Variants in ZNF804A observed in about 807,000 individuals in gnomAD.
ZNF804A encodes the protein zinc finger protein 804A.
A neutral mutation model predicts 16.5 loss-of-function variants in ZNF804A; 2 were observed. That is an observed-to-expected ratio of 0.12 (90% CI 0.05 to 0.38). ZNF804A has a LOEUF of 0.38. Among genes scored for constraint, ZNF804A ranks in the 10% least tolerant of loss-of-function variants. The pLI, the probability that ZNF804A is intolerant of heterozygous loss-of-function variation, is 0.99. For missense variants in ZNF804A, 1,473 were observed against 1,390.7 expected, an observed-to-expected ratio of 1.06 and a Z score of -0.94; for synonymous variants, 534 against 489.6, an observed-to-expected ratio of 1.09 and a Z score of -1.20.
intron 1 of ZNF804A, among the ~76,000 whole-genome samples, chr2:184,681,203 C>T (rs1692533124): frequency 6.6e-6 from 1 of 152,166 alleles, no homozygotes; most frequent in African/African-American, 2.4e-5. Context: ...GCAAAGTCAC[C>T]ACTGGCCACA....
At chr2:184,768,288 G>T (rs1009748877) in intron 1 of ZNF804A, among the ~76,000 whole-genome samples, 1 of 151,950 alleles carries the variant, frequency 6.6e-6, no homozygotes, top group South Asian at 2.1e-4. Flanking sequence ...TAGCATCCTT[G>T]AATTTTGGTA....
intron 1 of ZNF804A, among the ~76,000 whole-genome samples, chr2:184,739,034 A>G (rs1048264437): frequency 6.6e-6 from 1 of 152,234 alleles, no homozygotes; most frequent in African/African-American, 2.4e-5. Context: ...ATTTGATTGT[A>G]GGATAAACAA....
chr2:184,912,329 T>C (rs939182733), intron 2 of ZNF804A, among the ~76,000 whole-genome samples: 1 of 152,078 alleles, frequency 6.6e-6, no homozygotes, highest in African/African-American at 2.4e-5. Flanking sequence ...CTTGGATATA[T>C]CACAGTTTTG....
intron 1 of ZNF804A, among the ~76,000 whole-genome samples, chr2:184,753,727 T>C (rs898915767): frequency 1.3e-5 from 2 of 151,834 alleles, no homozygotes; most frequent in African/African-American, 2.4e-5. Flanking sequence ...CAACCTTGTG[T>C]TGACAGACAC....
chr2:184,693,930 T>A (rs945879354), intron 1 of ZNF804A, among the ~76,000 whole-genome samples: 5 of 97,226 alleles, frequency 5.1e-5, no homozygotes, highest in Non-Finnish European at 1.1e-4. Flanking sequence ...TAACTTAGTC[T>A]TTTTTTTTTT....
At chr2:184,898,149 A>G (rs1317496597) in intron 2 of ZNF804A, among the ~76,000 whole-genome samples, 4 of 152,138 alleles carry the variant, frequency 2.6e-5, no homozygotes, top group Admixed American at 6.6e-5. Context: ...TTGAAAAGAC[A>G]CTATACTTAA....
At position 184,758,273 on chromosome 2, in the gene ZNF804A, T is replaced by C. The variant is rs574347243; in HGVS notation, c.112-108096T>C. 2.0e-5 allele frequency among the ~76,000 whole-genome samples: 3 copies of C among 152,030 alleles called. No homozygotes were observed. In the East Asian group the frequency reaches 5.8e-4, roughly 29 times the overall value. On this transcript the variant is annotated intron_variant, in intron 1 of 3. Coordinates refer to ENST00000302277, the MANE Select transcript of ZNF804A (RefSeq NM_194250.2). The stretch of plus-strand genomic sequence containing the variant: ...ATATCATTCAAGATAGCGAATTAGG[T>C]AATATAAAAATGTTCTGATGATACA...
At chr2:184,748,184 A>G (rs1045182209) in intron 1 of ZNF804A, among the ~76,000 whole-genome samples, 3 of 151,220 alleles carry the variant, frequency 2.0e-5, no homozygotes, top group Admixed American at 1.3e-4. Flanking sequence ...GTTTTAGGGT[A>G]TGTGAGATAT....
chr2:184,823,688 C>T (rs1574229009), intron 1 of ZNF804A, among the ~76,000 whole-genome samples: 2 of 152,086 alleles, frequency 1.3e-5, no homozygotes, highest in East Asian at 3.9e-4. Flanking sequence ...TGTTTTCCTT[C>T]AGATACATGA....
chr2:184,663,760 C>T (rs1692216208), intron 1 of ZNF804A, among the ~76,000 whole-genome samples: 1 of 152,190 alleles, frequency 6.6e-6, no homozygotes, highest in Admixed American at 6.5e-5. Flanking sequence ...ACTCAGGACT[C>T]AGCCAGACTC....
intron 2 of ZNF804A, among the ~76,000 whole-genome samples, chr2:184,907,793 TA>T (rs1345588292): frequency 1.3e-5 from 2 of 152,180 alleles, no homozygotes; most frequent in Admixed American, 1.3e-4. Flanking sequence ...TTATGCCATA[TA>T]ATTGCACATT....
intron 1 of ZNF804A, among the ~76,000 whole-genome samples, chr2:184,612,840 G>A (rs182207563): frequency 1.5e-4 from 23 of 152,276 alleles, no homozygotes; most frequent in Admixed American, 3.9e-4. Context: ...CTGTCCTGAA[G>A]AGCCACATTG....
chr2:184,604,146 C>CTTTTTTTTT lies in ZNF804A; in HGVS notation c.111+5109_111+5117dup, dbSNP rs759053144. ...TTCAGGTTATGGATGACTGCAATTA[C>CTTTTTTTTT]TTTTTTTTTTTTTTTTTTTTTTTTT... On this transcript the variant is annotated intron_variant, in intron 1 of 3. Transcript: ENST00000302277. Among the ~76,000 whole-genome samples the CTTTTTTTTT allele has an allele frequency of 4.7e-3, 211 of 44,884 alleles. 74 individuals are homozygous for CTTTTTTTTT. The highest frequency in any genetic ancestry group is 6.8e-3 in the Non-Finnish European group (156 of 22,808). The allele number at this position is 44,884 out of a possible 152,430, so 29.4% of individuals were successfully genotyped here.
At chr2:184,717,091 A>T (rs756348507) in intron 1 of ZNF804A, among the ~76,000 whole-genome samples, 5 of 152,162 alleles carry the variant, frequency 3.3e-5, no homozygotes, top group Non-Finnish European at 1.5e-5. Context: ...AAGACAAACG[A>T]ATTAGACATA....
chr2:184,679,501 T>C (rs1692501536), intron 1 of ZNF804A, among the ~76,000 whole-genome samples: 1 of 152,162 alleles, frequency 6.6e-6, no homozygotes, highest in Non-Finnish European at 1.5e-5. Context: ...CAGCCACTAC[T>C]GTGGACCTGG....
At chr2:184,827,480 A>C (rs1695184512) in intron 1 of ZNF804A, among the ~76,000 whole-genome samples, 1 of 146,566 alleles carries the variant, frequency 6.8e-6, no homozygotes, top group Admixed American at 6.9e-5. Flanking sequence ...TATAATATAT[A>C]TTTATATATA....
Position 184,733,368 on chromosome 2 carries a change from G to A in ZNF804A, c.112-133001G>A, listed in dbSNP as rs554365778. 3.9e-5 allele frequency among the ~76,000 whole-genome samples: 6 copies of A among 152,034 alleles called. No homozygotes were observed. The East Asian group carries it at 9.6e-4, about 24-fold the overall frequency. ...AGTTTTAAATGAGTTTTCTATGTGTGGGATAAATTACACTTAGTTGTGATG... is the reference window on the plus strand; with the variant it reads ...AGTTTTAAATGAGTTTTCTATGTGTAGGATAAATTACACTTAGTTGTGATG... On this transcript the variant is annotated intron_variant, in intron 1 of 3. Coordinates refer to ENST00000302277, the MANE Select transcript of ZNF804A (RefSeq NM_194250.2).
intron 1 of ZNF804A, among the ~76,000 whole-genome samples, chr2:184,681,289 CA>C (rs200889350): frequency 4.6e-5 from 7 of 151,772 alleles, no homozygotes; most frequent in African/African-American, 9.7e-5. Flanking sequence ...CACTATGCCA[CA>C]AAAAAAATCC....
At chr2:184,796,387 C>T (rs1160292478) in intron 1 of ZNF804A, among the ~76,000 whole-genome samples, 1 of 152,004 alleles carries the variant, frequency 6.6e-6, no homozygotes, top group Non-Finnish European at 1.5e-5. Context: ...TTTTCAATTA[C>T]CATTTCAATC....
Sources: allele counts gnomAD v4.1 joint callset (sites outside exome capture counted in the v4.1 genomes callset), GRCh38; gene constraint gnomAD v4.1.1; transcripts MANE v1.5; gene names NCBI Gene and HGNC (gene_info 2026-07-23, HGNC 2026-07-21).